SCHIP1: variants seen among roughly 807,000 people sequenced by gnomAD.
SCHIP1 encodes the protein schwannomin-interacting protein 1.
A neutral mutation model predicts 29.7 loss-of-function variants in SCHIP1; 8 were observed. That is an observed-to-expected ratio of 0.27 (90% CI 0.16 to 0.49). SCHIP1 has a LOEUF of 0.49. SCHIP1 is among the 20% of genes least tolerant of loss of function. The pLI, the probability that SCHIP1 is intolerant of heterozygous loss-of-function variation, is 0.99. For synonymous variants in SCHIP1, 76 were observed against 94.9 expected, an observed-to-expected ratio of 0.80 and a Z score of 1.16; for missense variants, 193 against 294.6, an observed-to-expected ratio of 0.66 and a Z score of 2.52.
chr3:159,744,431 C>T, the SCHIP1 span, among the ~76,000 whole-genome samples: 1 of 152,166 alleles, frequency 6.6e-6, no homozygotes, highest in African/African-American at 2.4e-5. Flanking sequence ...CTCTGTCTGC[C>T]TTCACTGGTA....
At chr3:159,353,934 G>A in the SCHIP1 span, among the ~76,000 whole-genome samples, 5 of 152,062 alleles carry the variant, frequency 3.3e-5, no homozygotes, top group South Asian at 2.1e-4. Flanking sequence ...TTCTTTGTTA[G>A]CTACTTCATT....
chr3:159,320,934 A>C, the SCHIP1 span, among the ~76,000 whole-genome samples: 1 of 151,438 alleles, frequency 6.6e-6, no homozygotes, highest in Non-Finnish European at 1.5e-5. Flanking sequence ...CCTGGCATGG[A>C]GTGACTACTT....
chr3:159,287,164 A>G, the SCHIP1 span, among the ~76,000 whole-genome samples: 1 of 152,092 alleles, frequency 6.6e-6, no homozygotes, highest in Non-Finnish European at 1.5e-5. Flanking sequence ...TCAGAATGAT[A>G]TCTCCTAGGT....
the SCHIP1 span, among the ~76,000 whole-genome samples, chr3:159,657,087 T>C: frequency 6.6e-6 from 1 of 152,208 alleles, no homozygotes; most frequent in Non-Finnish European, 1.5e-5. Flanking sequence ...GTTTCCCCTG[T>C]ACTACCACAT....
the SCHIP1 span, among the ~76,000 whole-genome samples, chr3:159,627,877 G>A: frequency 2.2e-4 from 33 of 152,294 alleles, no homozygotes; most frequent in African/African-American, 7.2e-4. Context: ...GGTTTTGGAC[G>A]GAAGGCAGCT....
At chr3:159,818,054 C>G in the SCHIP1 span, among the ~76,000 whole-genome samples, 2 of 152,166 alleles carry the variant, frequency 1.3e-5, no homozygotes, top group African/African-American at 4.8e-5. Flanking sequence ...AGACAACAGC[C>G]CTCTCCACAA....
the SCHIP1 span, among the ~76,000 whole-genome samples, chr3:159,760,530 C>A: frequency 5.3e-5 from 8 of 152,216 alleles, no homozygotes; most frequent in Non-Finnish European, 1.0e-4. Flanking sequence ...TCAGCCTCCT[C>A]ATCTGTAAGT....
intron 1 of SCHIP1, among the ~76,000 whole-genome samples, chr3:159,862,533 G>T (rs1252180733): frequency 6.6e-6 from 1 of 152,102 alleles, no homozygotes; most frequent in East Asian, 1.9e-4. Flanking sequence ...TTTACCTCTG[G>T]ACTGGGAAGA....
the SCHIP1 span, among the ~76,000 whole-genome samples, chr3:159,465,373 GAGAA>G: frequency 2.7e-5 from 4 of 147,824 alleles, no homozygotes; most frequent in African/African-American, 4.9e-5. Context: ...GGAAATTAGA[GAGAA>G]AGAGAGAGAA....
the SCHIP1 span, among the ~76,000 whole-genome samples, chr3:159,486,323 A>G: frequency 6.6e-6 from 1 of 152,148 alleles, no homozygotes; most frequent in African/African-American, 2.4e-5. Flanking sequence ...CCCATGTCCC[A>G]GTAAACACCA....
At chr3:159,881,384 A>G (rs1716422511) in intron 2 of SCHIP1, among the ~76,000 whole-genome samples, 1 of 152,172 alleles carries the variant, frequency 6.6e-6, no homozygotes, top group Non-Finnish European at 1.5e-5. Context: ...CCAGCCACAA[A>G]CTAGTTGGGG....
chr3:159,554,656 T>C, the SCHIP1 span, among the ~76,000 whole-genome samples: 15 of 152,246 alleles, frequency 9.9e-5, no homozygotes, highest in South Asian at 3.1e-3. Context: ...GTAGATTCAC[T>C]ATGGTTCTAG....
chr3:159,811,118 A>G, the SCHIP1 span, among the ~76,000 whole-genome samples: 1 of 152,156 alleles, frequency 6.6e-6, no homozygotes, highest in African/African-American at 2.4e-5. Flanking sequence ...TGAAATACCT[A>G]TTCAACTGTT....
At chr3:159,339,191 A>T in the SCHIP1 span, among the ~76,000 whole-genome samples, 5 of 151,720 alleles carry the variant, frequency 3.3e-5, no homozygotes, top group Non-Finnish European at 5.9e-5. Context: ...TTCAGAAACT[A>T]CAAAGGCCTT....
chr3:159,889,855 G>T (rs1440948038), intron 5 of SCHIP1, among the ~76,000 whole-genome samples: 1 of 152,172 alleles, frequency 6.6e-6, no homozygotes, highest in African/African-American at 2.4e-5. Context: ...CCAGCACTTT[G>T]GGAGGCCGAG....
chr3:159,683,243 G>A, the SCHIP1 span, among the ~76,000 whole-genome samples: 1 of 151,858 alleles, frequency 6.6e-6, no homozygotes, highest in Non-Finnish European at 1.5e-5. Context: ...GTAGAGATGG[G>A]GTTTCACCAT....
chr3:159,821,447 C>T, the SCHIP1 span, among the ~76,000 whole-genome samples: 1 of 152,138 alleles, frequency 6.6e-6, no homozygotes, highest in Non-Finnish European at 1.5e-5. Flanking sequence ...CCTTATCCAC[C>T]GAGGCACATT....
the SCHIP1 span, among the ~76,000 whole-genome samples, chr3:159,327,846 C>G: frequency 5.3e-5 from 8 of 152,132 alleles, no homozygotes; most frequent in Non-Finnish European, 1.5e-5. Context: ...GGTTCCAAGA[C>G]AGCAATGTGT....
the SCHIP1 span, among the ~76,000 whole-genome samples, chr3:159,755,003 G>A: frequency 0.71 from 107,510 of 152,068 alleles, 38,703 homozygotes; most frequent in Middle Eastern, 0.89. Context: ...TGGGAGGCCT[G>A]AGTGGGTGGA....
Sources: allele counts gnomAD v4.1 joint callset (sites outside exome capture counted in the v4.1 genomes callset), GRCh38; gene constraint gnomAD v4.1.1; transcripts MANE v1.5; gene names NCBI Gene and HGNC (gene_info 2026-07-23, HGNC 2026-07-21).